LEPR: variants seen among roughly 807,000 people sequenced by gnomAD.
The protein encoded by LEPR is OB receptor.
A neutral mutation model predicts 114.7 loss-of-function variants in LEPR; 56 were observed. That is an observed-to-expected ratio of 0.49 (90% CI 0.39 to 0.61). The LOEUF is 0.61. Ranked by LOEUF, LEPR falls within the 20% of genes least tolerant of loss-of-function variation. LEPR has a pLI of 0.00. For missense variants in LEPR, 1,202 were observed against 1,352.9 expected (o/e 0.89, Z 1.75); for synonymous variants, 443 against 461.4 (o/e 0.96, Z 0.51).
intron 9 of LEPR, 49 bp downstream of exon 9, chr1:65,601,731 A>T (rs559716423): frequency 6.2e-7 from 1 of 1,611,528 alleles, no homozygotes; most frequent in Non-Finnish European, 8.5e-7. Context: ...TTGAATTTTC[A>T]TTATGGACCC....
At chr1:65,538,369 T>A (rs926240945) in intron 2 of LEPR, among the ~76,000 whole-genome samples, 1 of 152,140 alleles carries the variant, frequency 6.6e-6, no homozygotes. Context: ...ATACTACAGC[T>A]GCTATCTGGA....
intron 2 of LEPR, among the ~76,000 whole-genome samples, chr1:65,518,832 CTTT>C (rs1649417331): frequency 6.6e-6 from 1 of 150,558 alleles, no homozygotes; most frequent in Non-Finnish European, 1.5e-5. Flanking sequence ...TAGCAGCCAG[CTTT>C]TTTCTTTTTT....
chr1:65,463,089 G>A (rs182877742), intron 2 of LEPR, among the ~76,000 whole-genome samples: 2 of 152,162 alleles, frequency 1.3e-5, no homozygotes, highest in African/African-American at 4.8e-5. Flanking sequence ...GTCCTGAATG[G>A]TAGTACCTAG....
intron 2 of LEPR, among the ~76,000 whole-genome samples, chr1:65,550,827 TC>T (rs1652271979): frequency 6.6e-6 from 1 of 152,080 alleles, no homozygotes; most frequent in Admixed American, 6.6e-5. Context: ...GCACCCACTG[TC>T]CTGCACCCAC....
chr1:65,450,531 G>T (rs1557597668), intron 2 of LEPR, among the ~76,000 whole-genome samples: 2 of 142,442 alleles, frequency 1.4e-5, no homozygotes, highest in African/African-American at 5.3e-5. Flanking sequence ...GCAGTGTTTG[G>T]TTTTTTGTTC....
chr1:65,490,935 T>C (rs1214096768), intron 2 of LEPR, among the ~76,000 whole-genome samples: 1 of 152,074 alleles, frequency 6.6e-6, no homozygotes, highest in African/African-American at 2.4e-5. Context: ...AAACAACTTA[T>C]CATGTTTGTG....
intron 10 of LEPR, among the ~76,000 whole-genome samples, chr1:65,604,323 T>A (rs1656663480): frequency 6.6e-6 from 1 of 152,108 alleles, no homozygotes; most frequent in South Asian, 2.1e-4. Flanking sequence ...GTCTGTATTT[T>A]ATTTATTTTA....
chr1:65,480,295 T>G (rs1054123972), intron 2 of LEPR, among the ~76,000 whole-genome samples: 4 of 152,038 alleles, frequency 2.6e-5, no homozygotes, highest in Non-Finnish European at 5.9e-5. Flanking sequence ...AGAATACACA[T>G]GTGAAAACCA....
In LEPR at chr1:65,454,357, C is replaced by G. The variant is rs967695296; in HGVS notation, c.-21+28979C>G. ...TAGCTGGTTCTTTTGCTCGTTAGTT[C>G]ATGCAGTTTCTTCGTAGTCTCGATG... On this transcript the variant is annotated intron_variant, in intron 2 of 19. Transcript: ENST00000349533. Among the ~76,000 whole-genome samples the G allele has an allele frequency of 3.3e-5, 5 of 151,924 alleles. No individual in the cohort carries two copies. In the East Asian group the frequency reaches 9.7e-4, roughly 29 times the overall value.
At chr1:65,598,391 A>T (rs1188518467) in intron 7 of LEPR, among the ~76,000 whole-genome samples, 2 of 152,044 alleles carry the variant, frequency 1.3e-5, no homozygotes, top group Non-Finnish European at 2.9e-5. Flanking sequence ...TAAAATTCTA[A>T]AGGTCATATA....
At chr1:65,614,457 T>C (rs909457732) in intron 14 of LEPR, among the ~76,000 whole-genome samples, 5 of 152,088 alleles carry the variant, frequency 3.3e-5, no homozygotes, top group African/African-American at 1.2e-4. Flanking sequence ...GGAACTTGAG[T>C]GGAGTTGTTG....
At chr1:65,565,301 C>T (rs1653655377) in intron 2 of LEPR, among the ~76,000 whole-genome samples, 1 of 152,112 alleles carries the variant, frequency 6.6e-6, no homozygotes, top group South Asian at 2.1e-4. Context: ...TTTGTTATGG[C>T]ATAAAGGAAC....
intron 2 of LEPR, chr1:65,526,022 C>T: frequency 1.2e-6 from 1 of 835,020 alleles, no homozygotes; most frequent in Non-Finnish European, 1.4e-6. Context: ...CGACGCCGGG[C>T]GACTCTCGGC....
chr1:65,585,721 A>G (rs1018706874), intron 5 of LEPR, among the ~76,000 whole-genome samples: 7 of 152,064 alleles, frequency 4.6e-5, no homozygotes, highest in African/African-American at 1.7e-4. Context: ...CAAGAATTCC[A>G]GAAATTCTTA....
rs374253047 is a variant in LEPR, at chr1:65,618,046, C to T, written c.2295C>T (p.Tyr765=). 4.3e-6 allele frequency: 7 copies of T among 1,612,764 alleles called. No homozygotes were observed. The highest frequency in any genetic ancestry group is 1.3e-5 in the African/African-American group (1 of 74,860). The change falls in exon 16 of 20, where the codon TAC becomes TAT. Residue 765 remains tyrosine (Y), a synonymous_variant. Coordinates refer to ENST00000349533, the MANE Select transcript of LEPR (RefSeq NM_002303.6). ...CCTGGATACTATCACCCAGTGATTA[C>T]AAGCTAATGTATTTTATTATTGAGT... The part of the protein sequence containing the change: ...IVSWILSPSD[Y]KLMYFIIEWK...
intron 2 of LEPR, among the ~76,000 whole-genome samples, chr1:65,513,481 G>GA (rs34105194): frequency 8.6e-5 from 13 of 151,864 alleles, no homozygotes; most frequent in South Asian, 2.1e-4. Context: ...CTGGGCTCTG[G>GA]AAAAAAAATA....
chr1:65,500,490 G>A (rs1182477587), intron 2 of LEPR, among the ~76,000 whole-genome samples: 1 of 152,086 alleles, frequency 6.6e-6, no homozygotes, highest in East Asian at 1.9e-4. Context: ...GTAAGATTAA[G>A]CCTACCTTTT....
At chr1:65,509,330 G>A (rs1185997079) in intron 2 of LEPR, among the ~76,000 whole-genome samples, 1 of 152,112 alleles carries the variant, frequency 6.6e-6, no homozygotes, top group Admixed American at 6.6e-5. Flanking sequence ...GGTTTGGTGT[G>A]TATGGCCTTT....
chr1:65,478,387 C>G (rs1363951454), intron 2 of LEPR, among the ~76,000 whole-genome samples: 1 of 152,188 alleles, frequency 6.6e-6, no homozygotes, highest in Admixed American at 6.5e-5. Context: ...TTCTTAAACA[C>G]TGGTTAATTA....
Sources: gnomAD v4.1 joint callset for allele counts (sites outside exome capture counted in the v4.1 genomes callset) on GRCh38, gnomAD v4.1.1 for gene constraint, MANE v1.5 for transcripts, NCBI Gene and HGNC (gene_info 2026-07-23, HGNC 2026-07-21) for gene names.